The following ZNF138 variants were observed in gnomAD, a reference collection of about 807,000 sequenced individuals.
ZNF138 encodes zinc finger protein 138, also known as zinc finger protein 138 (clone pHZ-32).
ZNF138 carries 33 observed loss-of-function variants against 33.0 expected under a neutral mutation model. That is an observed-to-expected ratio of 1.00 (90% confidence interval 0.76 to 1.34). The LOEUF is 1.34. Among genes scored for constraint, ZNF138 ranks in the 40% most tolerant of loss-of-function variants. The pLI is 0.00. For missense variants in ZNF138, 360 were observed against 370.8 expected (o/e 0.97, Z 0.24); for synonymous variants, 139 against 120.4 (o/e 1.15, Z -1.01).
At chr7:64,816,092 T>C (rs1788609787) in intron 3 of ZNF138, among the ~76,000 whole-genome samples, 1 of 151,730 alleles carries the variant, frequency 6.6e-6, no homozygotes, top group South Asian at 2.1e-4. Flanking sequence ...CCATTCTGTT[T>C]TTATTATAGT....
chr7:64,813,780 G>A (rs1228761686), intron 1 of ZNF138, among the ~76,000 whole-genome samples: 1 of 152,020 alleles, frequency 6.6e-6, no homozygotes, highest in Non-Finnish European at 1.5e-5. Context: ...TTTACTTTTG[G>A]GGGCAGTATT....
downstream of ZNF138, among the ~76,000 whole-genome samples, chr7:64,834,638 TGAGA>T (rs1179115891): frequency 1.3e-5 from 2 of 152,212 alleles, no homozygotes; most frequent in African/African-American, 4.8e-5. Flanking sequence ...ATCAAAGGTA[TGAGA>T]GATTCTTTTT....
At chr7:64,810,453 G>GAGGGGA (rs1554365361) in intron 1 of ZNF138, among the ~76,000 whole-genome samples, 1 of 1,292 alleles carries the variant, frequency 7.7e-4, no homozygotes, top group African/African-American at 1.2e-3. Flanking sequence ...GGGAGAGGGA[G>GAGGGGA]AGGGGGAGGG....
intron 1 of ZNF138, among the ~76,000 whole-genome samples, chr7:64,801,359 G>T (rs902543115): frequency 6.6e-6 from 1 of 152,106 alleles, no homozygotes. Flanking sequence ...CTGATATGCT[G>T]TACTTTGTTC....
the ZNF138 span, among the ~76,000 whole-genome samples, chr7:64,858,586 G>C: frequency 6.6e-6 from 1 of 152,204 alleles, no homozygotes; most frequent in African/African-American, 2.4e-5. Flanking sequence ...ACTACAAGGA[G>C]AATAACATTT....
At chr7:64,801,163 C>T (rs1787108986) in intron 1 of ZNF138, among the ~76,000 whole-genome samples, 1 of 152,032 alleles carries the variant, frequency 6.6e-6, no homozygotes, top group Non-Finnish European at 1.5e-5. Context: ...ATGTCTAAAT[C>T]TCCTTCAGTA....
chr7:64,813,455 A>AT (rs1788346145), intron 1 of ZNF138, among the ~76,000 whole-genome samples: 2 of 137,662 alleles, frequency 1.5e-5, no homozygotes, highest in Admixed American at 7.3e-5. Context: ...TTTTTTTTTA[A>AT]TGGAGTCTCG....
chr7:64,810,582 A>G (rs1203374131), intron 1 of ZNF138, among the ~76,000 whole-genome samples: 1 of 35,198 alleles, frequency 2.8e-5, no homozygotes, highest in African/African-American at 8.9e-5. Context: ...AGTATATGTT[A>G]TAAAATTGAC....
chr7:64,852,179 G>A, the ZNF138 span, among the ~76,000 whole-genome samples: 2 of 152,124 alleles, frequency 1.3e-5, no homozygotes, highest in Non-Finnish European at 2.9e-5. Flanking sequence ...TCTCAACTCA[G>A]AAGCTGCCTC....
At chr7:64,847,293 T>G in the ZNF138 span, among the ~76,000 whole-genome samples, 1 of 147,150 alleles carries the variant, frequency 6.8e-6, no homozygotes, top group Non-Finnish European at 1.5e-5. Flanking sequence ...GCTTACATGG[T>G]GAAACCCCAT....
the ZNF138 span, among the ~76,000 whole-genome samples, chr7:64,841,723 C>T: frequency 1.3e-5 from 2 of 152,270 alleles, no homozygotes; most frequent in East Asian, 3.9e-4. Flanking sequence ...ACAGTTTTCT[C>T]ATTGTCTTCA....
chr7:64,828,686 C>T (rs1789838777), intron 3 of ZNF138, among the ~76,000 whole-genome samples: 1 of 151,842 alleles, frequency 6.6e-6, no homozygotes, highest in Non-Finnish European at 1.5e-5. Context: ...TTTTATTAGT[C>T]TACTTTTTAA....
chr7:64,806,992 A>C (rs889788522), intron 1 of ZNF138, among the ~76,000 whole-genome samples: 1 of 152,212 alleles, frequency 6.6e-6, no homozygotes, highest in Non-Finnish European at 1.5e-5. Context: ...TACCGGAATA[A>C]GGGCAAGGCA....
the ZNF138 span, among the ~76,000 whole-genome samples, chr7:64,859,218 G>A: frequency 6.6e-6 from 1 of 152,046 alleles, no homozygotes; most frequent in African/African-American, 2.4e-5. Flanking sequence ...GAGCCACGAC[G>A]CCTGGACAAC....
intron 1 of ZNF138, among the ~76,000 whole-genome samples, chr7:64,800,322 G>A (rs1054802443): frequency 6.6e-6 from 1 of 152,054 alleles, no homozygotes; most frequent in Non-Finnish European, 1.5e-5. Context: ...CGTTGGTTGT[G>A]GGTTTGTCTT....
chr7:64,855,073 A>C, the ZNF138 span, among the ~76,000 whole-genome samples: 9 of 152,182 alleles, frequency 5.9e-5, no homozygotes, highest in Non-Finnish European at 1.0e-4. Flanking sequence ...CATGTAACTA[A>C]CAGTCCATTA....
At chr7:64,837,076 A>G (rs1790390770), downstream of ZNF138, among the ~76,000 whole-genome samples, 1 of 152,316 alleles carries the variant, frequency 6.6e-6, no homozygotes, top group South Asian at 2.1e-4. Context: ...TTTCCTCGAG[A>G]AGAACCTGAA....
At chr7:64,852,683 A>T in the ZNF138 span, 1 of 1,295,020 alleles carries the variant, frequency 7.7e-7, no homozygotes, top group African/African-American at 1.5e-5. Context: ...GGTGACCACT[A>T]GTTTAATATT....
At chr7:64,817,406 C>G (rs1193175286) in intron 3 of ZNF138, among the ~76,000 whole-genome samples, 1 of 152,196 alleles carries the variant, frequency 6.6e-6, no homozygotes, top group Non-Finnish European at 1.5e-5. Context: ...GAACGGGAAT[C>G]TTGCAGTTTG....
Sources: gnomAD v4.1 joint callset for allele counts (sites outside exome capture counted in the v4.1 genomes callset) on GRCh38, gnomAD v4.1.1 for gene constraint, MANE v1.5 for transcripts, NCBI Gene and HGNC (gene_info 2026-07-23, HGNC 2026-07-21) for gene names.